The following CFDP1 variants were observed in gnomAD, a reference collection of about 807,000 sequenced individuals.
CFDP1 encodes the protein chromatin remodeling protein CFDP1, also known as heterochromatin-stabilizing protein CFDP1.
Under a neutral mutation model 40.1 loss-of-function variants are expected in CFDP1, and 31 were observed. The observed-to-expected ratio is 0.77, with a 90% confidence interval of 0.58 to 1.04. The LOEUF (loss-of-function observed/expected upper bound fraction) is 1.04, where lower values mean the gene tolerates loss of function less well. Ranked by LOEUF, CFDP1 falls within the 50% of genes least tolerant of loss-of-function variation. The pLI, the probability that CFDP1 is intolerant of heterozygous loss-of-function variation, is 0.00. For missense variants in CFDP1, 423 were observed against 343.4 expected (o/e 1.23, Z -1.83); for synonymous variants, 167 against 120.0 (o/e 1.39, Z -2.56).
intron 5 of CFDP1, among the ~76,000 whole-genome samples, chr16:75,383,770 G>A (rs2078870312): frequency 1.4e-5 from 2 of 143,904 alleles, no homozygotes; most frequent in South Asian, 2.2e-4. Context: ...AGTAAGCCGA[G>A]ATCGTGCCAC....
chr16:75,396,948 C>T (rs760967783), intron 4 of CFDP1, among the ~76,000 whole-genome samples: 3 of 152,050 alleles, frequency 2.0e-5, no homozygotes, highest in African/African-American at 7.2e-5. Context: ...GAGTCTCGCT[C>T]TGTCGCCTAG....
chr16:75,344,586 C>A (rs1157429285), intron 5 of CFDP1, among the ~76,000 whole-genome samples: 1 of 152,162 alleles, frequency 6.6e-6, no homozygotes, highest in Non-Finnish European at 1.5e-5. Context: ...CAAAACAAAT[C>A]TTCAGAAAGG....
chr16:75,300,168 T>C (rs1458454016), intron 6 of CFDP1, among the ~76,000 whole-genome samples: 1 of 152,184 alleles, frequency 6.6e-6, no homozygotes, highest in Non-Finnish European at 1.5e-5. Context: ...GTCTGCGGCC[T>C]GTACTGGGGT....
chr16:75,294,102 C>G, intron 6 of CFDP1, 60 bp from the exon 7 acceptor site: 1 of 1,247,100 alleles, frequency 8.0e-7, no homozygotes, highest in Non-Finnish European at 1.2e-6. Context: ...CTCCCCTGCA[C>G]AGTCCCATCC....
At chr16:75,357,762 T>C (rs2078654391) in intron 5 of CFDP1, among the ~76,000 whole-genome samples, 1 of 152,232 alleles carries the variant, frequency 6.6e-6, no homozygotes, top group Admixed American at 6.5e-5. Context: ...TAAAGCTATT[T>C]CACTTTCTTA....
intron 5 of CFDP1, among the ~76,000 whole-genome samples, chr16:75,358,048 A>G (rs1465082235): frequency 6.6e-6 from 1 of 152,222 alleles, no homozygotes; most frequent in Admixed American, 6.5e-5. Context: ...ATATTTACCA[A>G]ATAAGTTTGT....
At chr16:75,374,483 C>T (rs908749356) in intron 5 of CFDP1, among the ~76,000 whole-genome samples, 6 of 151,704 alleles carry the variant, frequency 4.0e-5, no homozygotes, top group Non-Finnish European at 8.8e-5. Flanking sequence ...ACATAGATTA[C>T]TAAATGCTTA....
intron 5 of CFDP1, among the ~76,000 whole-genome samples, chr16:75,393,841 C>A (rs898299289): frequency 2.7e-5 from 4 of 147,098 alleles, no homozygotes; most frequent in Admixed American, 1.4e-4. Flanking sequence ...GGGCAGATCA[C>A]GAGGTCAGGA....
At chr16:75,347,869 C>G (rs540022566) in intron 5 of CFDP1, among the ~76,000 whole-genome samples, 1 of 152,190 alleles carries the variant, frequency 6.6e-6, no homozygotes, top group African/African-American at 2.4e-5. Flanking sequence ...TCTCATCATG[C>G]GAAATCACGA....
intron 6 of CFDP1, among the ~76,000 whole-genome samples, chr16:75,299,568 C>T (rs1386718730): frequency 2.0e-5 from 3 of 151,078 alleles, no homozygotes; most frequent in Non-Finnish European, 4.4e-5. Context: ...GCACTCCAGC[C>T]TGGGGAAAAG....
intron 5 of CFDP1, among the ~76,000 whole-genome samples, chr16:75,349,696 T>TATATATATATATATAC (rs1209804675): frequency 2.1e-5 from 1 of 47,952 alleles, no homozygotes; most frequent in African/African-American, 1.2e-4. Context: ...AAAAAATATA[T>TATATATATATATATAC]ATACATACAT....
chr16:75,404,584 T>C (rs2079083069), intron 4 of CFDP1, among the ~76,000 whole-genome samples: 1 of 152,070 alleles, frequency 6.6e-6, no homozygotes, highest in South Asian at 2.1e-4. Context: ...AGTCTCTTGA[T>C]GGATGAGAAG....
At chr16:75,419,855 T>C (rs1427777010) in intron 1 of CFDP1, among the ~76,000 whole-genome samples, 2 of 152,136 alleles carry the variant, frequency 1.3e-5, no homozygotes, top group African/African-American at 4.8e-5. Context: ...ACCATAAAAA[T>C]GGGCAACCAG....
chr16:75,340,401 A>G (rs1314099582), intron 5 of CFDP1, among the ~76,000 whole-genome samples: 1 of 152,200 alleles, frequency 6.6e-6, no homozygotes, highest in Non-Finnish European at 1.5e-5. Context: ...GCTCCCTTTA[A>G]TAAGATGCTT....
At chr16:75,429,182 T>G (rs993381067) in intron 1 of CFDP1, among the ~76,000 whole-genome samples, 3 of 151,986 alleles carry the variant, frequency 2.0e-5, no homozygotes, top group Admixed American at 6.6e-5. Context: ...GACAAACAGA[T>G]CTTATACATT....
At chr16:75,416,069 TTTTGAA>T (rs2079201951) in intron 1 of CFDP1, among the ~76,000 whole-genome samples, 1 of 152,022 alleles carries the variant, frequency 6.6e-6, no homozygotes, top group Non-Finnish European at 1.5e-5. Context: ...GCCAGGCTGG[TTTTGAA>T]TTCTGACCTC....
At chr16:75,395,425 C>T (rs2078988050) in intron 4 of CFDP1, among the ~76,000 whole-genome samples, 1 of 152,120 alleles carries the variant, frequency 6.6e-6, no homozygotes, top group African/African-American at 2.4e-5. Context: ...CTTTGGGAGG[C>T]CGAGGCAGGC....
At chr16:75,419,995 CTT>C (rs2079258825) in intron 1 of CFDP1, among the ~76,000 whole-genome samples, 1 of 151,146 alleles carries the variant, frequency 6.6e-6, no homozygotes, top group African/African-American at 2.4e-5. Context: ...AGAACCCTCT[CTT>C]GGGGTCTGGG....
At chr16:75,387,995 T>G (rs1366371848) in intron 5 of CFDP1, among the ~76,000 whole-genome samples, 1 of 152,198 alleles carries the variant, frequency 6.6e-6, no homozygotes, top group Non-Finnish European at 1.5e-5. Flanking sequence ...GTTATGAAAT[T>G]GAGGAGAGAC....
Sources: allele counts gnomAD v4.1 joint callset (sites outside exome capture counted in the v4.1 genomes callset), GRCh38; gene constraint gnomAD v4.1.1; transcripts MANE v1.5; gene names NCBI Gene and HGNC (gene_info 2026-07-23, HGNC 2026-07-21).